KIAA1958: variants seen among roughly 807,000 people sequenced by gnomAD.
KIAA1958 encodes the protein uncharacterized protein KIAA1958.
In KIAA1958, 14 loss-of-function variants were observed where a neutral mutation model predicts 47.2. That is an observed-to-expected ratio of 0.30 (90% CI 0.20 to 0.46). KIAA1958 has a LOEUF of 0.46. Among genes scored for constraint, KIAA1958 ranks in the 20% least tolerant of loss-of-function variants. The pLI, the probability that KIAA1958 is intolerant of heterozygous loss-of-function variation, is 1.00. For synonymous variants in KIAA1958, 354 were observed against 353.3 expected, an observed-to-expected ratio of 1.00 and a Z score of -0.02; for missense variants, 803 against 909.2, an observed-to-expected ratio of 0.88 and a Z score of 1.50.
At chr9:112,658,069 C>G (rs1564204272) in intron 3 of KIAA1958, among the ~76,000 whole-genome samples, 1 of 152,050 alleles carries the variant, frequency 6.6e-6, no homozygotes, top group Non-Finnish European at 1.5e-5. Context: ...GTTGGCCAGG[C>G]TGGTCTTGAA....
chr9:112,499,890 G>A (rs1323588913), intron 1 of KIAA1958, among the ~76,000 whole-genome samples: 7 of 151,210 alleles, frequency 4.6e-5, no homozygotes, highest in Admixed American at 2.0e-4. Context: ...GGGTTTCACC[G>A]TGTTAGCCAG....
intron 2 of KIAA1958, among the ~76,000 whole-genome samples, chr9:112,635,402 A>C (rs1836788943): frequency 6.6e-6 from 1 of 151,988 alleles, no homozygotes; most frequent in African/African-American, 2.4e-5. Context: ...GATGCATGCC[A>C]CCACACCTGC....
intron 1 of KIAA1958, among the ~76,000 whole-genome samples, chr9:112,549,999 A>G (rs1267496430): frequency 6.6e-6 from 1 of 152,214 alleles, no homozygotes; most frequent in Non-Finnish European, 1.5e-5. Context: ...AGCATTTGCA[A>G]AGATCTACTA....
At chr9:112,504,334 G>A (rs1456037979) in intron 1 of KIAA1958, among the ~76,000 whole-genome samples, 8 of 151,904 alleles carry the variant, frequency 5.3e-5, no homozygotes, top group African/African-American at 1.7e-4. Flanking sequence ...TTACAGGTGC[G>A]TGCCACACTA....
intron 1 of KIAA1958, among the ~76,000 whole-genome samples, chr9:112,529,433 A>G (rs1834715027): frequency 6.6e-6 from 1 of 152,176 alleles, no homozygotes; most frequent in Admixed American, 6.5e-5. Context: ...CATCCACAAT[A>G]CCACGTTACA....
intron 1 of KIAA1958, among the ~76,000 whole-genome samples, chr9:112,571,190 T>C (rs1384083613): frequency 6.6e-6 from 1 of 152,242 alleles, no homozygotes; most frequent in Non-Finnish European, 1.5e-5. Flanking sequence ...ACTAGGTTTC[T>C]AAGTCTTCCT....
intron 2 of KIAA1958, among the ~76,000 whole-genome samples, chr9:112,634,298 G>A (rs925337282): frequency 6.6e-5 from 10 of 152,026 alleles, no homozygotes; most frequent in East Asian, 3.9e-4. Context: ...GCGCAATCTC[G>A]GCTCCCTGCA....
chr9:112,637,442 C>T (rs966351315), intron 2 of KIAA1958, among the ~76,000 whole-genome samples: 4 of 151,894 alleles, frequency 2.6e-5, no homozygotes, highest in Non-Finnish European at 4.4e-5. Flanking sequence ...AGTGAAGTGG[C>T]GCAATCTCAG....
At chr9:112,509,117 A>G (rs540728308) in intron 1 of KIAA1958, among the ~76,000 whole-genome samples, 1 of 151,596 alleles carries the variant, frequency 6.6e-6, no homozygotes, top group Non-Finnish European at 1.5e-5. Context: ...AGAATAGTGT[A>G]TGGAGAAAGC....
At chr9:112,535,621 T>C (rs1228763592) in intron 1 of KIAA1958, among the ~76,000 whole-genome samples, 3 of 152,182 alleles carry the variant, frequency 2.0e-5, no homozygotes, top group Non-Finnish European at 4.4e-5. Flanking sequence ...CTGGATCATA[T>C]GGGAGTTCTA....
intron 1 of KIAA1958, among the ~76,000 whole-genome samples, chr9:112,531,248 C>T (rs933735642): frequency 1.3e-5 from 2 of 152,072 alleles, no homozygotes; most frequent in Non-Finnish European, 2.9e-5. Context: ...ATTAGCCAGG[C>T]GTGGTGGCGC....
chr9:112,533,460 A>C (rs1267179817), intron 1 of KIAA1958, among the ~76,000 whole-genome samples: 1 of 150,858 alleles, frequency 6.6e-6, no homozygotes, highest in Non-Finnish European at 1.5e-5. Flanking sequence ...TGGGTGCTGT[A>C]GTCCCAGCTA....
chr9:112,532,673 G>A (rs1364754934), intron 1 of KIAA1958, among the ~76,000 whole-genome samples: 2 of 152,190 alleles, frequency 1.3e-5, no homozygotes, highest in Non-Finnish European at 2.9e-5. Flanking sequence ...CATTCAAGTC[G>A]TCTCATTTCA....
chr9:112,521,265 G>A (rs1201600633), intron 1 of KIAA1958, among the ~76,000 whole-genome samples: 1 of 152,106 alleles, frequency 6.6e-6, no homozygotes, highest in Non-Finnish European at 1.5e-5. Flanking sequence ...CTGGAGTGCA[G>A]TGGTGCAATC....
At position 112,563,085 on chromosome 9, in the gene KIAA1958, C is replaced by CTCTCTCTCTATA. The variant is rs10655286; in HGVS notation, c.-24-10971_-24-10970insCTCTCTCTATAT. On this transcript the variant is annotated intron_variant, in intron 1 of 3. Coordinates refer to ENST00000337530, the MANE Select transcript of KIAA1958 (RefSeq NM_133465.4). ...TCTCTGTCTCTCTCTCTCTCTCTCT[C>CTCTCTCTCTATA]TATATATATATATAAATTTTTTTTA... is the stretch of plus-strand genomic sequence containing the variant. Among the ~76,000 whole-genome samples, 938 of 131,526 alleles carry CTCTCTCTCTATA rather than the reference C, an allele frequency of 7.1e-3. 4 individuals carry two copies. Among genetic ancestry groups the CTCTCTCTCTATA allele is most frequent in the African/African-American group, 0.018 (629 of 34,256 alleles). 86.3% of individuals were successfully genotyped at this position (131,526 alleles called of 152,430 possible).
At position 112,666,507 on chromosome 9, in the gene KIAA1958, A is replaced by G. The variant is rs576012471; in HGVS notation, c.*6438A>G. ...CAGCTGAGAAGATTTAGATTTTTTTAAATTAATAGAGCTGCATCTGGCAAA... is the reference window on the plus strand; with the variant it reads ...CAGCTGAGAAGATTTAGATTTTTTTGAATTAATAGAGCTGCATCTGGCAAA... On this transcript the variant is annotated 3_prime_UTR_variant, in exon 4 of 4. Transcript: ENST00000337530. 1.3e-5 allele frequency: 2 copies of G among 152,154 alleles called. No homozygotes were observed. Among genetic ancestry groups the G allele is most frequent in the Non-Finnish European group, 2.9e-5 (2 of 68,020 alleles). 9.4% of individuals were successfully genotyped at this position (152,154 alleles called of 1,614,324 possible). A position where few individuals can be genotyped will look rare whatever the true frequency, so the allele number is the denominator to read the frequency against.
intron 2 of KIAA1958, among the ~76,000 whole-genome samples, chr9:112,638,013 G>T (rs952883233): frequency 6.6e-6 from 1 of 152,120 alleles, no homozygotes. Context: ...GCCAGGTGTG[G>T]TGCTGCCTGC....
At chr9:112,634,111 T>C (rs1252569252) in intron 2 of KIAA1958, among the ~76,000 whole-genome samples, 1 of 152,246 alleles carries the variant, frequency 6.6e-6, no homozygotes, top group Non-Finnish European at 1.5e-5. Context: ...AGTGTTCCTG[T>C]TGCTCCATAT....
intron 1 of KIAA1958, among the ~76,000 whole-genome samples, chr9:112,545,825 G>GTGTTTTTTTTTT (rs60211721): frequency 3.2e-5 from 3 of 93,040 alleles, no homozygotes; most frequent in Non-Finnish European, 6.3e-5. Context: ...AGGTTTCTTT[G>GTGTTTTTTTTTT]TTTTTTTTTT....
Sources: allele counts gnomAD v4.1 joint callset (sites outside exome capture counted in the v4.1 genomes callset), GRCh38; gene constraint gnomAD v4.1.1; transcripts MANE v1.5; gene names NCBI Gene and HGNC (gene_info 2026-07-23, HGNC 2026-07-21).